ZNF638: variants seen among roughly 807,000 people sequenced by gnomAD.
ZNF638 encodes the protein CTCL tumor antigen se33-1.
A neutral mutation model predicts 195.6 loss-of-function variants in ZNF638; 46 were observed. That is an observed-to-expected ratio of 0.24 (90% CI 0.19 to 0.30). The LOEUF (loss-of-function observed/expected upper bound fraction) is 0.30, where lower values mean the gene tolerates loss of function less well. Among genes scored for constraint, ZNF638 ranks in the 10% least tolerant of loss-of-function variants. The pLI is 1.00. For missense variants in ZNF638, 2,440 were observed against 2,325.3 expected (o/e 1.05, Z -1.01); for synonymous variants, 845 against 772.0 (o/e 1.09, Z -1.57).
chr2:71,361,338 G>A (rs2079106292), intron 3 of ZNF638, among the ~76,000 whole-genome samples: 1 of 152,208 alleles, frequency 6.6e-6, no homozygotes, highest in Non-Finnish European at 1.5e-5. Flanking sequence ...ACTTTGATGT[G>A]TTGTTAATCA....
intron 1 of ZNF638, among the ~76,000 whole-genome samples, chr2:71,347,624 T>G (rs1260291882): frequency 6.6e-6 from 1 of 152,192 alleles, no homozygotes; most frequent in Admixed American, 6.5e-5. Flanking sequence ...AGCACCAGCA[T>G]AGTCTATATG....
In ZNF638 at chr2:71,406,217, G is replaced by A. The variant is rs1277879407; in HGVS notation, c.3090G>A (p.Gln1030=). 4 of 1,613,208 alleles carry A rather than the reference G, an allele frequency of 2.5e-6. No homozygotes were observed. The highest frequency in any genetic ancestry group is 3.4e-6 in the Non-Finnish European group (4 of 1,179,378). ...AGTGTGTACTTTGTGTTGGACTTCA[G>A]TTTGGAAAAGTGGATCACCATGTAT... ...GLQCVLCVGL[Q]FGKVDHHVFI... Residue 1030 remains glutamine (Q), a synonymous_variant, in exon 19 of 28, where the codon CAG becomes CAA. Coordinates refer to ENST00000264447, the MANE Select transcript of ZNF638 (RefSeq NM_014497.5).
At chr2:71,410,001 C>T (rs188511696) in intron 20 of ZNF638, among the ~76,000 whole-genome samples, 46 of 152,210 alleles carry the variant, frequency 3.0e-4, no homozygotes, top group Admixed American at 2.2e-3. Flanking sequence ...TTTGCTCTTA[C>T]GTATTTCATT....
In ZNF638 at chr2:71,364,231, A is replaced by C; in HGVS notation, c.1696A>C (p.Arg566=). Residue 566 remains arginine, a synonymous_variant, in exon 5 of 28, where the codon AGG becomes CGG. Transcript: ENST00000264447. ...ATCAGTTAGCCCTGAGAGGATGTCA[A>C]GGAGATCAGTGAGATCATCAGGTAC... ...FRSVSPERMS[R]RSVRSSDRKK... The C allele has an allele frequency of 6.2e-7, 1 of 1,614,042 alleles. No homozygotes were observed. Among genetic ancestry groups the C allele is most frequent in the Admixed American group, 1.7e-5 (1 of 60,016 alleles).
intron 1 of ZNF638, among the ~76,000 whole-genome samples, chr2:71,337,553 GCAC>G (rs879825060): frequency 3.4e-5 from 5 of 145,784 alleles, no homozygotes; most frequent in Non-Finnish European, 6.1e-5. Context: ...GCTCAGGCGC[GCAC>G]CACCATGCCT....
chr2:71,420,608 T>C (rs1354962875), intron 21 of ZNF638, among the ~76,000 whole-genome samples: 1 of 152,228 alleles, frequency 6.6e-6, no homozygotes, highest in Non-Finnish European at 1.5e-5. Context: ...TACTGGGATA[T>C]TGGGGCTGGA....
chr2:71,419,431 A>T (rs1043273784), intron 21 of ZNF638, among the ~76,000 whole-genome samples: 1 of 152,192 alleles, frequency 6.6e-6, no homozygotes, highest in African/African-American at 2.4e-5. Context: ...TGTTTATTTT[A>T]TCTGATGCAC....
intron 1 of ZNF638, among the ~76,000 whole-genome samples, chr2:71,340,199 A>G (rs1375731995): frequency 2.0e-5 from 3 of 151,884 alleles, no homozygotes; most frequent in Non-Finnish European, 4.4e-5. Context: ...AACGTTTCTA[A>G]TTTTCTGCTT....
At chr2:71,393,669 C>G (rs1285560656) in intron 10 of ZNF638, 2 of 714,752 alleles carry the variant, frequency 2.8e-6, no homozygotes, top group Admixed American at 2.0e-5. Context: ...CACGTAGGAT[C>G]CTTTTTATGC....
At chr2:71,370,071 A>G (rs982576984) in intron 8 of ZNF638, 66 bp downstream of exon 8, 27 of 1,511,602 alleles carry the variant, frequency 1.8e-5, no homozygotes, top group Non-Finnish European at 2.4e-5. Flanking sequence ...TTGTTTAAGT[A>G]TGGCACACAT....
At chr2:71,434,688 A>G (rs2080731855) in intron 27 of ZNF638, 54 bp from the exon 28 acceptor site, 2 of 1,482,302 alleles carry the variant, frequency 1.3e-6, no homozygotes, top group Non-Finnish European at 1.9e-6. Context: ...AAGTTTGCAC[A>G]CATAGCAAAA....
At chr2:71,400,001 G>T (rs761538794) in intron 13 of ZNF638, 111 bp from the exon 14 acceptor site, 2 of 801,900 alleles carry the variant, frequency 2.5e-6, no homozygotes, top group Non-Finnish European at 1.9e-6. Flanking sequence ...CTTATGTCAG[G>T]TCAGCCTAAG....
intron 10 of ZNF638, among the ~76,000 whole-genome samples, chr2:71,382,924 A>G (rs2542523): frequency 0.91 from 138,319 of 152,292 alleles, 62,868 homozygotes; most frequent in Admixed American, 0.93. Context: ...GAGAAAACAA[A>G]GAAAAGAAGC....
chr2:71,424,144 C>G, intron 22 of ZNF638, 106 bp downstream of exon 22: 3 of 1,411,970 alleles, frequency 2.1e-6, no homozygotes, highest in Admixed American at 5.1e-5. Flanking sequence ...TTCATCTCCT[C>G]ACTCTACCCC....
chr2:71,344,000 C>T lies in ZNF638; in HGVS notation c.-202-4753C>T, dbSNP rs182939147. 8.5e-5 allele frequency among the ~76,000 whole-genome samples: 13 copies of T among 152,202 alleles called. No homozygotes were observed. The East Asian group carries it at 1.9e-3, about 23-fold the overall frequency. On this transcript the variant is annotated intron_variant, in intron 1 of 27. Transcript: ENST00000264447. ...AAATAATCAGCCGGGTGTGGTGGCA[C>T]GCACCTGTAGTCCCAGCTACTCAGG...
intron 20 of ZNF638, among the ~76,000 whole-genome samples, chr2:71,414,022 T>G (rs1214755521): frequency 1.6e-5 from 2 of 128,612 alleles, no homozygotes; most frequent in Admixed American, 1.6e-4. Flanking sequence ...TCCCTCTTTT[T>G]CTGTTGATTG....
chr2:71,374,381 T>G (rs1216220957), intron 8 of ZNF638, among the ~76,000 whole-genome samples: 1 of 152,224 alleles, frequency 6.6e-6, no homozygotes. Context: ...TGGTTTCTGT[T>G]ACAACAATTA....
intron 3 of ZNF638, among the ~76,000 whole-genome samples, chr2:71,361,412 A>C (rs2079107694): frequency 1.3e-5 from 2 of 152,248 alleles, no homozygotes; most frequent in Admixed American, 1.3e-4. Flanking sequence ...AACTGGCTTT[A>C]AGTTTCTTAG....
intron 21 of ZNF638, among the ~76,000 whole-genome samples, chr2:71,419,965 C>CT (rs70959238): frequency 1.2e-5 from 1 of 86,948 alleles, no homozygotes; most frequent in Non-Finnish European, 2.1e-5. Flanking sequence ...AATTCCCACC[C>CT]CCCCCCGCCT....
Sources: allele counts gnomAD v4.1 joint callset (sites outside exome capture counted in the v4.1 genomes callset), GRCh38; gene constraint gnomAD v4.1.1; transcripts MANE v1.5; gene names NCBI Gene and HGNC (gene_info 2026-07-23, HGNC 2026-07-21).